The following CCDC14 variants were observed in gnomAD, a reference collection of about 807,000 sequenced individuals.
The protein encoded by CCDC14 is coiled-coil domain-containing protein 14.
A neutral mutation model predicts 81.4 loss-of-function variants in CCDC14; 71 were observed. The ratio of observed to expected loss-of-function variants is 0.87; its 90% CI spans 0.72 to 1.06. The LOEUF (loss-of-function observed/expected upper bound fraction) is 1.06, where lower values mean the gene tolerates loss of function less well. CCDC14 is among the 50% of genes least tolerant of loss of function. The pLI is 0.00. For synonymous variants in CCDC14, 332 were observed against 364.8 expected, an observed-to-expected ratio of 0.91 and a Z score of 1.03; for missense variants, 1,046 against 1,047.3, an observed-to-expected ratio of 1.00 and a Z score of 0.02.
At chr3:123,933,641 A>C in intron 10 of CCDC14, 32 bp downstream of exon 10, 1 of 1,444,194 alleles carries the variant, frequency 6.9e-7, no homozygotes, top group Non-Finnish European at 9.5e-7. Flanking sequence ...AGCCACAAAT[A>C]ATTTATCAAT....
chr3:123,911,030 G>A (rs1482615684), downstream of CCDC14, among the ~76,000 whole-genome samples: 1 of 152,160 alleles, frequency 6.6e-6, no homozygotes, highest in African/African-American at 2.4e-5. Context: ...ATAAAAATTT[G>A]TCAGGAGGAG....
At position 123,931,154 on chromosome 3, in the gene CCDC14, T is replaced by C. The variant is rs986440190; in HGVS notation, c.1726A>G (p.Ile576Val). The C allele has an allele frequency of 3.2e-5, 51 of 1,612,832 alleles. No homozygotes were observed. Among genetic ancestry groups the C allele is most frequent in the Non-Finnish European group, 4.2e-5 (50 of 1,179,616 alleles). ...TAEKENQILG[I>V]TLRQRDAEVT... ...TCAGCATCACGCTGACGTAATGTTA[T>C]CCCCAATATCTGGTTTTCCTTTTCA... The change falls in exon 12 of 13, where the codon ATA becomes GTA. Residue 576 changes from isoleucine (I) to valine (V), a missense_variant. Physicochemically the swap from Ile to Val is conservative, Grantham distance 29. Coordinates refer to ENST00000409697, the MANE Select transcript of CCDC14 (RefSeq NM_001366335.1).
At chr3:123,919,655 C>T (rs1346518392) in intron 12 of CCDC14, among the ~76,000 whole-genome samples, 1 of 152,208 alleles carries the variant, frequency 6.6e-6, no homozygotes, top group African/African-American at 2.4e-5. Context: ...CCTCAAAGCA[C>T]AGGTAGCAGC....
chr3:123,951,315 T>A (rs901520267), intron 5 of CCDC14, among the ~76,000 whole-genome samples: 6 of 152,176 alleles, frequency 3.9e-5, no homozygotes, highest in Non-Finnish European at 8.8e-5. Flanking sequence ...ATCATATTCA[T>A]AAATCATACT....
At chr3:123,900,743 G>A (rs1167440208) in intron 5 of CCDC14, among the ~76,000 whole-genome samples, 4 of 151,990 alleles carry the variant, frequency 2.6e-5, no homozygotes, top group Non-Finnish European at 5.9e-5. Flanking sequence ...TATTTGAATA[G>A]ATTTAAAGTC....
chr3:123,950,450 T>A (rs1213496473), intron 5 of CCDC14, among the ~76,000 whole-genome samples: 1 of 152,122 alleles, frequency 6.6e-6, no homozygotes, highest in Non-Finnish European at 1.5e-5. Flanking sequence ...CTATACAGCA[T>A]TAAAAAACCA....
At chr3:123,891,693 G>C in the CCDC14 span, among the ~76,000 whole-genome samples, 1 of 144,508 alleles carries the variant, frequency 6.9e-6, no homozygotes, top group African/African-American at 2.6e-5. Flanking sequence ...AGTTTCTAGG[G>C]AGTTCCAAAC....
intron 5 of CCDC14, among the ~76,000 whole-genome samples, chr3:123,900,394 C>T (rs1473654992): frequency 6.6e-6 from 1 of 152,212 alleles, no homozygotes; most frequent in African/African-American, 2.4e-5. Context: ...CCTAAAACAG[C>T]AACATTCCAG....
In CCDC14 at chr3:123,924,537, C is replaced by T. The variant is rs571691051; in HGVS notation, c.1778+6565G>A. On this transcript the variant is annotated intron_variant, in intron 12 of 12. Transcript: ENST00000409697. The stretch of plus-strand genomic sequence containing the variant: ...GTGGGAGAAATATATGCAAACCGTA[C>T]GTGATAAGGGGTTAATATTCAAAAT... Among the ~76,000 whole-genome samples, 17 of 152,016 alleles carry T rather than the reference C, an allele frequency of 1.1e-4. No homozygotes were observed. In the South Asian group the frequency reaches 1.5e-3, roughly 13 times the overall value.
chr3:123,889,085 T>C, the CCDC14 span, among the ~76,000 whole-genome samples: 6 of 152,142 alleles, frequency 3.9e-5, no homozygotes, highest in South Asian at 1.0e-3. Context: ...AAGGGGGATA[T>C]AGGCATTGGG....
chr3:123,926,661 G>GA (rs1286163114), intron 12 of CCDC14, among the ~76,000 whole-genome samples: 1 of 150,332 alleles, frequency 6.7e-6, no homozygotes. Context: ...AGTAAGATCT[G>GA]AAAAAAAAGT....
exon 6 of CCDC14, chr3:123,897,547 T>G: frequency 9.3e-7 from 1 of 1,069,864 alleles, no homozygotes; most frequent in Non-Finnish European, 1.2e-6. Flanking sequence ...TTTTCCGTAG[T>G]TCATGTACTG....
intron 9 of CCDC14, among the ~76,000 whole-genome samples, chr3:123,944,300 T>C (rs898395925): frequency 6.6e-6 from 1 of 152,290 alleles, no homozygotes; most frequent in Admixed American, 6.5e-5. Context: ...CAGGGCCATG[T>C]GCCTTGTTTC....
intron 5 of CCDC14, among the ~76,000 whole-genome samples, chr3:123,950,695 TC>T (rs1488410851): frequency 6.6e-6 from 1 of 151,996 alleles, no homozygotes; most frequent in Non-Finnish European, 1.5e-5. Flanking sequence ...ATTGTCTGTA[TC>T]TTGATCTAGG....
chr3:123,905,707 G>A lies in CCDC14; in HGVS notation c.668-8094C>T, dbSNP rs377340533. On this transcript the variant is annotated intron_variant, in intron 5 of 5. Coordinates refer to the CCDC14 transcript ENST00000479903. ...GGTCTCAGTTGGATTCTGGATTTCA[G>A]TCTCCCTTCCAGGTATACATTATCT... Among the ~76,000 whole-genome samples the A allele has an allele frequency of 1.2e-4, 19 of 152,292 alleles. No homozygotes were observed. The East Asian group carries it at 3.3e-3, about 26-fold the overall frequency.
Position 123,924,912 on chromosome 3 carries a change from C to CATAT in CCDC14, c.1778+6186_1778+6189dup, listed in dbSNP as rs79944151. On this transcript the variant is annotated intron_variant, in intron 12 of 12. Coordinates refer to ENST00000409697, the MANE Select transcript of CCDC14 (RefSeq NM_001366335.1). ...GCAATCCCATGTCTATGTACATATCCATATATATATATATACACACACATA... is the reference window on the plus strand; with the variant it reads ...GCAATCCCATGTCTATGTACATATCCATATATATATATATATATACACACACATA... 1.2e-4 allele frequency among the ~76,000 whole-genome samples: 18 copies of CATAT among 148,532 alleles called. No individual in the cohort carries two copies. In the South Asian group the frequency reaches 1.3e-3, roughly 11 times the overall value.
At chr3:123,943,644 T>C (rs956254858) in intron 9 of CCDC14, among the ~76,000 whole-genome samples, 9 of 152,146 alleles carry the variant, frequency 5.9e-5, no homozygotes, top group South Asian at 2.1e-4. Flanking sequence ...TTCCCCACTC[T>C]GTCTATTAGA....
chr3:123,933,049 C>T lies in CCDC14; in HGVS notation c.1426+624G>A, dbSNP rs112374740. Among the ~76,000 whole-genome samples the T allele has an allele frequency of 6.2e-3, 949 of 152,120 alleles. 15 individuals carry two copies. Among genetic ancestry groups the T allele is most frequent in the African/African-American group, 0.021 (889 of 41,484 alleles). Reference sequence around the variant, plus strand: ...TGGAGGCAGAGGTTGCAGTGAGACACGATCGCACCACTGCACTCCAGCCTG... The same window carrying T: ...TGGAGGCAGAGGTTGCAGTGAGACATGATCGCACCACTGCACTCCAGCCTG... On this transcript the variant is annotated intron_variant, in intron 10 of 12. Transcript: ENST00000409697.
At chr3:123,895,964 A>G (rs183975259), downstream of CCDC14, among the ~76,000 whole-genome samples, 2 of 152,352 alleles carry the variant, frequency 1.3e-5, no homozygotes, top group Admixed American at 1.3e-4. Context: ...AGATAGCTGC[A>G]TTCCCATGCT....
Sources: gnomAD v4.1 joint callset for allele counts (sites outside exome capture counted in the v4.1 genomes callset) on GRCh38, gnomAD v4.1.1 for gene constraint, MANE v1.5 for transcripts, NCBI Gene and HGNC (gene_info 2026-07-23, HGNC 2026-07-21) for gene names.